The following KIAA1217 variants were observed in gnomAD, a reference collection of about 807,000 sequenced individuals.
The protein encoded by KIAA1217 is KIAA1217.
A neutral mutation model predicts 163.9 loss-of-function variants in KIAA1217; 88 were observed. The ratio of observed to expected loss-of-function variants is 0.54; its 90% CI spans 0.45 to 0.64. The LOEUF (loss-of-function observed/expected upper bound fraction) is 0.64. KIAA1217 is among the 30% of genes least tolerant of loss of function. The pLI is 0.00. For missense variants in KIAA1217, 2,372 were observed against 2,475.0 expected (o/e 0.96, Z 0.88); for synonymous variants, 903 against 923.1 (o/e 0.98, Z 0.39).
intron 1 of KIAA1217, among the ~76,000 whole-genome samples, chr10:23,835,448 C>T (rs970049128): frequency 7.9e-5 from 12 of 152,142 alleles, no homozygotes; most frequent in Non-Finnish European, 1.3e-4. Context: ...CCCTCCACCC[C>T]CTGCTAGCAT....
intron 2 of KIAA1217, among the ~76,000 whole-genome samples, chr10:24,074,512 T>A (rs1345289213): frequency 6.6e-6 from 1 of 152,190 alleles, no homozygotes; most frequent in Non-Finnish European, 1.5e-5. Flanking sequence ...TCCTTAAGAA[T>A]GTGTCAGTAA....
chr10:23,955,896 T>G (rs1255269632), intron 1 of KIAA1217, among the ~76,000 whole-genome samples: 1 of 152,108 alleles, frequency 6.6e-6, no homozygotes, highest in Non-Finnish European at 1.5e-5. Flanking sequence ...GACGTGCAGT[T>G]AAATGGACAG....
At chr10:24,128,133 G>T (rs531342811) in intron 2 of KIAA1217, among the ~76,000 whole-genome samples, 1 of 152,194 alleles carries the variant, frequency 6.6e-6, no homozygotes, top group African/African-American at 2.4e-5. Flanking sequence ...TTAGCTGCAT[G>T]ATGAGAGCGG....
chr10:24,405,760 G>C (rs771874992), intron 3 of KIAA1217, among the ~76,000 whole-genome samples: 2 of 152,096 alleles, frequency 1.3e-5, no homozygotes, highest in Non-Finnish European at 2.9e-5. Context: ...TGCCAAACAG[G>C]GGGTGAATAA....
intron 1 of KIAA1217, among the ~76,000 whole-genome samples, chr10:23,820,380 G>T (rs1176676673): frequency 6.6e-6 from 1 of 152,148 alleles, no homozygotes; most frequent in African/African-American, 2.4e-5. Context: ...ACCCATGTGA[G>T]ACTAATCCAC....
At chr10:24,346,395 CCAGGAGGCGGAGCTTG>C (rs2047769308) in intron 2 of KIAA1217, among the ~76,000 whole-genome samples, 1 of 151,756 alleles carries the variant, frequency 6.6e-6, no homozygotes, top group African/African-American at 2.4e-5. Flanking sequence ...TGGCATGAAC[CCAGGAGGCGGAGCTTG>C]CAGTGAGCCG....
At chr10:24,495,683 A>G (rs904637135) in intron 8 of KIAA1217, among the ~76,000 whole-genome samples, 11 of 152,214 alleles carry the variant, frequency 7.2e-5, no homozygotes, top group African/African-American at 2.7e-4. Context: ...AATTGTTCTA[A>G]GTGCAAAGTG....
In KIAA1217 at chr10:24,162,005, A is replaced by C. The variant is rs186435468; in HGVS notation, c.-170-57621A>C. Among the ~76,000 whole-genome samples the C allele has an allele frequency of 1.6e-3, 237 of 152,342 alleles. 1 individual carries two copies. Among genetic ancestry groups the C allele is most frequent in the African/African-American group, 5.6e-3 (233 of 41,586 alleles). On this transcript the variant is annotated intron_variant, in intron 2 of 18. Transcript: ENST00000376462. ...ACAGATGCAGTCTAGCAGAAAAACA[A>C]AGGAGGTATATCTGAGGTGCTCAGT... is the stretch of plus-strand genomic sequence containing the variant.
chr10:23,960,276 T>G (rs957391459), intron 1 of KIAA1217, among the ~76,000 whole-genome samples: 1 of 151,906 alleles, frequency 6.6e-6, no homozygotes, highest in African/African-American at 2.4e-5. Flanking sequence ...AACACCTTCT[T>G]GCTTCTGCTG....
chr10:24,023,756 TTG>T (rs1417868956), intron 2 of KIAA1217, among the ~76,000 whole-genome samples: 3 of 151,740 alleles, frequency 2.0e-5, no homozygotes, highest in African/African-American at 7.2e-5. Flanking sequence ...AATTGTAATA[TTG>T]TTATATAAAT....
At chr10:23,902,041 C>G (rs1312208876) in intron 1 of KIAA1217, among the ~76,000 whole-genome samples, 1 of 151,858 alleles carries the variant, frequency 6.6e-6, no homozygotes, top group East Asian at 1.9e-4. Context: ...AGAGCCTTTA[C>G]AACAAGCTTG....
chr10:23,703,716 T>C (rs1476835598), intron 1 of KIAA1217, among the ~76,000 whole-genome samples: 1 of 152,122 alleles, frequency 6.6e-6, no homozygotes, highest in Non-Finnish European at 1.5e-5. Context: ...TTCCTCTTAT[T>C]CTTTCTCCTC....
intron 5 of KIAA1217, among the ~76,000 whole-genome samples, chr10:24,457,698 C>G (rs186672634): frequency 1.9e-4 from 29 of 152,288 alleles, no homozygotes; most frequent in Middle Eastern, 3.4e-3. Context: ...CCACTGTGCT[C>G]AGCCCTAATC....
At chr10:24,377,279 G>A (rs2052640183) in intron 2 of KIAA1217, among the ~76,000 whole-genome samples, 1 of 152,128 alleles carries the variant, frequency 6.6e-6, no homozygotes, top group Admixed American at 6.5e-5. Flanking sequence ...GGAAACAGAG[G>A]GAGATTGGTG....
At chr10:24,421,286 G>A (rs140485775) in intron 3 of KIAA1217, among the ~76,000 whole-genome samples, 59 of 152,282 alleles carry the variant, frequency 3.9e-4, no homozygotes, top group Middle Eastern at 3.4e-3. Flanking sequence ...GATTACAGAC[G>A]TGAACCATCA....
intron 20 of KIAA1217, 54 bp from the exon 21 acceptor site, chr10:24,545,773 T>G: frequency 6.5e-7 from 1 of 1,542,310 alleles, no homozygotes; most frequent in Non-Finnish European, 8.7e-7. Context: ...GCCCTGTGGG[T>G]TGATCATGTG....
intron 2 of KIAA1217, among the ~76,000 whole-genome samples, chr10:24,256,446 A>G (rs942390042): frequency 6.6e-6 from 1 of 152,186 alleles, no homozygotes; most frequent in Non-Finnish European, 1.5e-5. Flanking sequence ...CTGGCCCTGG[A>G]GTAAGTGCAG....
At chr10:23,726,304 G>GT (rs35157466) in intron 1 of KIAA1217, among the ~76,000 whole-genome samples, 160 of 137,384 alleles carry the variant, frequency 1.2e-3, no homozygotes, top group Non-Finnish European at 1.4e-3. Context: ...CATGAGTTTG[G>GT]TTTTTTTTTT....
intron 2 of KIAA1217, among the ~76,000 whole-genome samples, chr10:24,312,387 G>T (rs557716565): frequency 2.6e-5 from 4 of 152,116 alleles, no homozygotes; most frequent in Non-Finnish European, 5.9e-5. Context: ...AGGCCAAGGC[G>T]GCCGAATCAC....
Sources: gnomAD v4.1 joint callset for allele counts (sites outside exome capture counted in the v4.1 genomes callset) on GRCh38, gnomAD v4.1.1 for gene constraint, MANE v1.5 for transcripts, NCBI Gene and HGNC (gene_info 2026-07-23, HGNC 2026-07-21) for gene names.